PKIB: variants seen among roughly 807,000 people sequenced by gnomAD.
PKIB encodes the protein cAMP-dependent protein kinase inhibitor beta, also known as PKI-beta.
In PKIB, 2 loss-of-function variants were observed where a neutral mutation model predicts 4.5. The observed-to-expected ratio is 0.44, with a 90% CI of 0.18 to 1.39. The LOEUF (loss-of-function observed/expected upper bound fraction) is 1.39, where lower values mean the gene tolerates loss of function less well. Among genes scored for constraint, PKIB ranks in the 40% most tolerant of loss-of-function variants. The pLI is 0.27. For missense variants in PKIB, 94 were observed against 92.6 expected (o/e 1.02, Z -0.06); for synonymous variants, 38 against 36.0 (o/e 1.06, Z -0.20).
intron 2 of PKIB, among the ~76,000 whole-genome samples, chr6:122,556,818 C>T (rs1162107783): frequency 1.3e-5 from 2 of 152,178 alleles, no homozygotes; most frequent in Non-Finnish European, 1.5e-5. Context: ...ACTAAGTTAC[C>T]AAGCCACATG....
At chr6:122,502,336 C>CT (rs1776267376) in intron 2 of PKIB, among the ~76,000 whole-genome samples, 1 of 151,868 alleles carries the variant, frequency 6.6e-6, no homozygotes, top group African/African-American at 2.4e-5. Flanking sequence ...CTGTAGTAGT[C>CT]TATTTTTATG....
At chr6:122,575,465 A>C (rs1328248735) in intron 2 of PKIB, among the ~76,000 whole-genome samples, 1 of 152,052 alleles carries the variant, frequency 6.6e-6, no homozygotes, top group African/African-American at 2.4e-5. Flanking sequence ...AAACATGCAC[A>C]CTCATGTTTA....
chr6:122,511,085 C>T (rs922475111), intron 2 of PKIB, among the ~76,000 whole-genome samples: 4 of 152,182 alleles, frequency 2.6e-5, no homozygotes, highest in African/African-American at 9.7e-5. Flanking sequence ...TCATTAGACT[C>T]CTTTCTCTCC....
chr6:122,700,782 T>C (rs1218632809), intron 3 of PKIB, among the ~76,000 whole-genome samples: 4 of 152,204 alleles, frequency 2.6e-5, no homozygotes, highest in Non-Finnish European at 5.9e-5. Context: ...TGGGTACTTA[T>C]GGGAAAACAT....
intron 1 of PKIB, among the ~76,000 whole-genome samples, chr6:122,629,305 A>C (rs1775591771): frequency 6.6e-6 from 1 of 152,320 alleles, no homozygotes; most frequent in East Asian, 1.9e-4. Flanking sequence ...GCGCCAACTG[A>C]AAGAGCTAAT....
chr6:122,527,137 G>A (rs144535087), intron 2 of PKIB, among the ~76,000 whole-genome samples: 15 of 152,100 alleles, frequency 9.9e-5, no homozygotes, highest in African/African-American at 2.4e-4. Context: ...CTTAGCCTTC[G>A]TAAAATTGAA....
chr6:122,482,544 A>ATTTTTTTTTTTTTTT (rs571676167), intron 2 of PKIB: 1 of 103,722 alleles, frequency 9.6e-6, no homozygotes, highest in African/African-American at 4.0e-5. Flanking sequence ...TTTAGGTTGG[A>ATTTTTTTTTTTTTTT]TTTTTTTTTT....
At chr6:122,660,695 T>G (rs1443363071) in intron 2 of PKIB, among the ~76,000 whole-genome samples, 1 of 152,178 alleles carries the variant, frequency 6.6e-6, no homozygotes, top group East Asian at 1.9e-4. Flanking sequence ...TTTGCAATTC[T>G]ATAGCCTAAA....
intron 3 of PKIB, among the ~76,000 whole-genome samples, chr6:122,604,088 G>C (rs1774455544): frequency 6.6e-6 from 1 of 152,152 alleles, no homozygotes; most frequent in Admixed American, 6.5e-5. Flanking sequence ...ATGGTTAGTT[G>C]GTTAGGGTTA....
intron 2 of PKIB, among the ~76,000 whole-genome samples, chr6:122,538,743 G>A (rs900348138): frequency 6.6e-6 from 1 of 151,990 alleles, no homozygotes; most frequent in South Asian, 2.1e-4. Context: ...GATGGGGATG[G>A]CATTGAATCT....
At chr6:122,558,406 T>C (rs997598110) in intron 2 of PKIB, among the ~76,000 whole-genome samples, 3 of 152,202 alleles carry the variant, frequency 2.0e-5, no homozygotes, top group Non-Finnish European at 4.4e-5. Context: ...TATGTTCACC[T>C]CTTAAGCAGC....
chr6:122,534,555 G>A (rs1554218350), intron 2 of PKIB, among the ~76,000 whole-genome samples: 1 of 152,062 alleles, frequency 6.6e-6, no homozygotes, highest in Non-Finnish European at 1.5e-5. Context: ...CTAGCACGGA[G>A]GCTACTCAAG....
At chr6:122,636,908 G>A (rs1775937995) in intron 2 of PKIB, among the ~76,000 whole-genome samples, 1 of 152,110 alleles carries the variant, frequency 6.6e-6, no homozygotes, top group Non-Finnish European at 1.5e-5. Context: ...ACAGATCAAA[G>A]CACATGTAAA....
intron 2 of PKIB, among the ~76,000 whole-genome samples, chr6:122,492,347 G>A (rs758316125): frequency 6.6e-6 from 1 of 152,152 alleles, no homozygotes; most frequent in Non-Finnish European, 1.5e-5. Context: ...TTATAGGGAA[G>A]TCATGAGCTT....
In PKIB at chr6:122,653,418, C is replaced by T. The variant is rs925865338; in HGVS notation, c.-76+20051C>T. Among the ~76,000 whole-genome samples, 8 of 152,018 alleles carry T rather than the reference C, an allele frequency of 5.3e-5. No homozygotes were observed. The East Asian group carries it at 7.8e-4, about 15-fold the overall frequency. ...TTCTCCTCTCTTGCATGTGTTCTGG[C>T]GACCAAGAGGAAAGACATAAATTGC... On this transcript the variant is annotated intron_variant, in intron 2 of 4. Coordinates refer to ENST00000368452, the MANE Select transcript of PKIB (RefSeq NM_181795.3).
intron 2 of PKIB, among the ~76,000 whole-genome samples, chr6:122,562,075 G>C (rs1773053164): frequency 7.2e-6 from 1 of 139,664 alleles, no homozygotes; most frequent in Non-Finnish European, 1.5e-5. Flanking sequence ...GCTTTAAAGA[G>C]GTTCTGTTTT....
intron 2 of PKIB, among the ~76,000 whole-genome samples, chr6:122,490,357 TC>T (rs1279025407): frequency 6.6e-6 from 1 of 152,174 alleles, no homozygotes; most frequent in Non-Finnish European, 1.5e-5. Flanking sequence ...ACCAAAGAGA[TC>T]AATACAACTG....
At chr6:122,634,028 C>T (rs1008875273) in intron 2 of PKIB, among the ~76,000 whole-genome samples, 2 of 151,986 alleles carry the variant, frequency 1.3e-5, no homozygotes, top group Non-Finnish European at 2.9e-5. Flanking sequence ...CACAGTAGTG[C>T]ATCCTTTGAA....
At chr6:122,587,096 TA>T (rs1313626235) in intron 3 of PKIB, among the ~76,000 whole-genome samples, 1 of 152,128 alleles carries the variant, frequency 6.6e-6, no homozygotes, top group Non-Finnish European at 1.5e-5. Flanking sequence ...TACATATGTG[TA>T]CATGTGCCAT....
Sources: gnomAD v4.1 joint callset for allele counts (sites outside exome capture counted in the v4.1 genomes callset) on GRCh38, gnomAD v4.1.1 for gene constraint, MANE v1.5 for transcripts, NCBI Gene and HGNC (gene_info 2026-07-23, HGNC 2026-07-21) for gene names.